Variants in FAM120C observed in about 807,000 individuals in gnomAD.
FAM120C encodes family with sequence similarity 120 member C.
In FAM120C, 14 loss-of-function variants were observed where a neutral mutation model predicts 71.2. The ratio of observed to expected loss-of-function variants is 0.20; its 90% CI spans 0.13 to 0.31. The LOEUF (loss-of-function observed/expected upper bound fraction) is 0.31, where lower values mean the gene tolerates loss of function less well. Among genes scored for constraint, FAM120C ranks in the 10% least tolerant of loss-of-function variants. The pLI is 1.00. For missense variants in FAM120C, 500 were observed against 879.0 expected, an observed-to-expected ratio of 0.57 and a Z score of 5.45; for synonymous variants, 354 against 353.2, an observed-to-expected ratio of 1.00 and a Z score of -0.03.
intron 10 of FAM120C, among the ~76,000 whole-genome samples, chrX:54,114,287 T>A (rs1390693857): frequency 9.0e-6 from 1 of 111,127 alleles, no homozygotes; most frequent in Non-Finnish European, 1.9e-5. Context: ...GGGTGAGGGA[T>A]TGAAAATTAC....
chrX:54,134,317 T>C (rs2067083379), intron 7 of FAM120C, among the ~76,000 whole-genome samples: 1 of 111,863 alleles, frequency 8.9e-6, no homozygotes, highest in African/African-American at 3.2e-5. Flanking sequence ...TTTGCTTATG[T>C]TTTAAGAAAA....
intron 7 of FAM120C, among the ~76,000 whole-genome samples, chrX:54,134,624 G>A (rs781971723): frequency 8.9e-6 from 1 of 112,003 alleles, no homozygotes; most frequent in Non-Finnish European, 1.9e-5. Context: ...AGTGGCCTGG[G>A]TGTTTGAAAA....
chrX:54,176,808 T>C (rs2067321002), intron 1 of FAM120C, among the ~76,000 whole-genome samples: 1 of 111,914 alleles, frequency 8.9e-6, no homozygotes. Context: ...ATTTTATATA[T>C]GTCAAGTCCT....
intron 9 of FAM120C, among the ~76,000 whole-genome samples, chrX:54,124,924 T>C (rs1184387373): frequency 8.9e-6 from 1 of 112,239 alleles, no homozygotes; most frequent in African/African-American, 3.2e-5. Flanking sequence ...ATATTTTAGA[T>C]ACTAGTATAG....
intron 10 of FAM120C, among the ~76,000 whole-genome samples, chrX:54,106,698 A>T (rs192942630): frequency 1.2e-4 from 14 of 112,295 alleles, no homozygotes; most frequent in African/African-American, 3.9e-4. Context: ...CAAAGAACTT[A>T]AATTTATAAG....
At position 54,087,739 on chromosome X, in the gene FAM120C, C is replaced by T; in HGVS notation, c.2637+16G>A. The T allele has an allele frequency of 8.3e-7, 1 of 1,203,418 alleles. No homozygotes were observed. The highest frequency in any genetic ancestry group is 1.1e-6 in the Non-Finnish European group (1 of 889,341). On this transcript the variant is annotated intron_variant, in intron 12 of 15. Transcript: ENST00000375180. ...GGAGATCAGAGCTAGTCCTTAGCAG[C>T]CTGACATGCTGGTACCTGGCCATCA... is the stretch of plus-strand genomic sequence containing the variant.
intron 15 of FAM120C, among the ~76,000 whole-genome samples, chrX:54,078,284 A>C (rs1557120925): frequency 1.8e-5 from 2 of 110,531 alleles, no homozygotes; most frequent in African/African-American, 6.6e-5. Flanking sequence ...GGCTTTTCAG[A>C]CTGTATGCCT....
chrX:54,156,835 T>G (rs1204126010), intron 3 of FAM120C, among the ~76,000 whole-genome samples: 1 of 97,375 alleles, frequency 1.0e-5, no homozygotes, highest in African/African-American at 3.9e-5. Flanking sequence ...TGCAGTGAGC[T>G]GAGATTGCAA....
intron 15 of FAM120C, 66 bp downstream of exon 15, chrX:54,080,164 CTT>C: frequency 1.1e-6 from 1 of 929,863 alleles, no homozygotes; most frequent in Non-Finnish European, 1.6e-6. Flanking sequence ...GATGTGATCT[CTT>C]TTAGTTTAGC....
intron 1 of FAM120C, among the ~76,000 whole-genome samples, chrX:54,162,549 C>A (rs2067240356): frequency 8.9e-6 from 1 of 111,817 alleles, no homozygotes. Flanking sequence ...CTAGAAAGGA[C>A]AGAGAACAGG....
intron 1 of FAM120C, among the ~76,000 whole-genome samples, chrX:54,166,634 T>C (rs782552998): frequency 8.9e-6 from 1 of 111,941 alleles, no homozygotes; most frequent in Non-Finnish European, 1.9e-5. Flanking sequence ...CACCAAGATA[T>C]GGTAAATGGT....
intron 9 of FAM120C, among the ~76,000 whole-genome samples, chrX:54,129,425 G>A (rs1457228728): frequency 2.8e-5 from 3 of 108,680 alleles, no homozygotes; most frequent in Non-Finnish European, 5.8e-5. Flanking sequence ...GATGATGGGC[G>A]GCCGGGCAGA....
chrX:54,131,848 G>A (rs1176244608), intron 9 of FAM120C, among the ~76,000 whole-genome samples: 1 of 107,535 alleles, frequency 9.3e-6, no homozygotes, highest in Non-Finnish European at 1.9e-5. Flanking sequence ...TGCAAGCTCC[G>A]CCTCCCAGGT....
intron 10 of FAM120C, among the ~76,000 whole-genome samples, chrX:54,101,484 T>C (rs1361979167): frequency 8.9e-6 from 1 of 112,248 alleles, no homozygotes; most frequent in African/African-American, 3.2e-5. Context: ...GTTCCACTCC[T>C]GAAAACTCTT....
At chrX:54,174,187 A>G (rs1557136362) in intron 1 of FAM120C, 1 of 512,310 alleles carries the variant, frequency 2.0e-6, no homozygotes, top group South Asian at 2.5e-5. Flanking sequence ...AGAGAGAAAG[A>G]GAGAGAGAGT....
In FAM120C at chrX:54,118,320, T is replaced by C. The variant is rs183453147; in HGVS notation, c.2063-1526A>G. On this transcript the variant is annotated intron_variant, in intron 9 of 15. Transcript: ENST00000375180. Reference sequence around the variant, plus strand: ...ATCGATAGTACATTCTTTTTTTTGCTGAGTAATATTCCATGGCAAGAATGC... The same window carrying C: ...ATCGATAGTACATTCTTTTTTTTGCCGAGTAATATTCCATGGCAAGAATGC... 3.4e-3 allele frequency among the ~76,000 whole-genome samples: 378 copies of C among 111,155 alleles called. 3 individuals are homozygous for C. The highest frequency in any genetic ancestry group is 0.012 in the African/African-American group (360 of 30,646).
chrX:54,080,132 A>G (rs954974714), intron 15 of FAM120C, 100 bp downstream of exon 15: 10 of 662,171 alleles, frequency 1.5e-5, no homozygotes, highest in Non-Finnish European at 2.4e-5. Flanking sequence ...AGCTCCCCTA[A>G]GCAGCTCAGG....
At chrX:54,091,259 T>C in intron 11 of FAM120C, 53 bp downstream of exon 11, 1 of 834,954 alleles carries the variant, frequency 1.2e-6, no homozygotes, top group South Asian at 2.4e-5. Context: ...AGACCTAAAG[T>C]AGTGCCATAA....
intron 3 of FAM120C, among the ~76,000 whole-genome samples, chrX:54,157,102 G>A (rs991701343): frequency 1.8e-5 from 2 of 110,552 alleles, no homozygotes; most frequent in South Asian, 7.7e-4. Flanking sequence ...GATCAATAGT[G>A]AGGTTGAACA....
Sources: gnomAD v4.1 joint callset for allele counts (sites outside exome capture counted in the v4.1 genomes callset) on GRCh38, gnomAD v4.1.1 for gene constraint, MANE v1.5 for transcripts, NCBI Gene and HGNC (gene_info 2026-07-23, HGNC 2026-07-21) for gene names.